CERS6: variants seen among roughly 807,000 people sequenced by gnomAD.
CERS6 encodes the protein LAG1 homolog, ceramide synthase 6.
In CERS6, 26 loss-of-function variants were observed where a neutral mutation model predicts 56.8. The observed-to-expected ratio is 0.46, with a 90% CI of 0.34 to 0.63. The LOEUF (loss-of-function observed/expected upper bound fraction) is 0.63. CERS6 is among the 30% of genes least tolerant of loss of function. CERS6 has a pLI of 0.01. For synonymous variants in CERS6, 164 were observed against 173.3 expected (o/e 0.95, Z 0.42); for missense variants, 415 against 467.5 (o/e 0.89, Z 1.04).
chr2:168,532,586 G>A (rs1213171009), intron 1 of CERS6, among the ~76,000 whole-genome samples: 1 of 151,998 alleles, frequency 6.6e-6, no homozygotes, highest in Non-Finnish European at 1.5e-5. Context: ...GCCCCGTGGA[G>A]TTAGCTAAAT....
intron 9 of CERS6, 113 bp from the exon 10 acceptor site, chr2:168,769,396 GT>G: frequency 2.0e-6 from 2 of 978,264 alleles, no homozygotes; most frequent in Non-Finnish European, 2.9e-6. Flanking sequence ...ATCCTCTTCA[GT>G]TTTTTAACAT....
chr2:168,468,411 G>C (rs1411364008), intron 1 of CERS6, among the ~76,000 whole-genome samples: 1 of 152,192 alleles, frequency 6.6e-6, no homozygotes, highest in Non-Finnish European at 1.5e-5. Flanking sequence ...ATTGACTTAA[G>C]ACCTGGGCTG....
chr2:168,528,564 C>T (rs1228236867), intron 1 of CERS6, among the ~76,000 whole-genome samples: 2 of 152,176 alleles, frequency 1.3e-5, no homozygotes, highest in Non-Finnish European at 1.5e-5. Flanking sequence ...GGAGAGTAAC[C>T]TCTAAGCTAC....
chr2:168,671,085 C>T (rs1191267548), intron 4 of CERS6, among the ~76,000 whole-genome samples: 2 of 151,362 alleles, frequency 1.3e-5, no homozygotes, highest in Non-Finnish European at 2.9e-5. Context: ...CTCAGCCTCC[C>T]GAGTAGCTGG....
chr2:168,631,600 AAT>A (rs1491364069), intron 4 of CERS6, among the ~76,000 whole-genome samples: 380 of 112,946 alleles, frequency 3.4e-3, no homozygotes, highest in East Asian at 9.8e-3. Flanking sequence ...TTATATATTA[AAT>A]ATATAATATA....
In CERS6 at chr2:168,610,893, C is replaced by T. The variant is rs190524482; in HGVS notation, c.408-20092C>T. ...TGCAATCTCGGCTCACTGCAACCTC[C>T]GCCTCCCAGATTCAAGCAATTCTCA... is the stretch of plus-strand genomic sequence containing the variant. On this transcript the variant is annotated intron_variant, in intron 3 of 9. Transcript: ENST00000305747. 7.9e-5 allele frequency among the ~76,000 whole-genome samples: 12 copies of T among 152,216 alleles called. No homozygotes were observed. In the East Asian group the frequency reaches 9.6e-4, roughly 12 times the overall value.
intron 4 of CERS6, among the ~76,000 whole-genome samples, chr2:168,681,486 TATTCTC>T (rs1262951203): frequency 2.0e-5 from 3 of 152,198 alleles, no homozygotes; most frequent in South Asian, 2.1e-4. Flanking sequence ...TTTTAAAAAT[TATTCTC>T]ATTCTTGTTT....
intron 3 of CERS6, among the ~76,000 whole-genome samples, chr2:168,571,900 G>A (rs1695994717): frequency 1.3e-5 from 2 of 152,140 alleles, no homozygotes; most frequent in Non-Finnish European, 2.9e-5. Context: ...GCAAATTACT[G>A]TAGACTTGGG....
chr2:168,602,622 G>T (rs961469509), intron 3 of CERS6, among the ~76,000 whole-genome samples: 7 of 152,194 alleles, frequency 4.6e-5, no homozygotes, highest in African/African-American at 1.7e-4. Flanking sequence ...AGAATAATAA[G>T]TATCTATGCA....
chr2:168,677,697 A>C (rs148706064), intron 4 of CERS6, among the ~76,000 whole-genome samples: 1 of 152,008 alleles, frequency 6.6e-6, no homozygotes, highest in African/African-American at 2.4e-5. Context: ...GGGTTTCTCT[A>C]TGTTGGTCAG....
At chr2:168,650,853 C>T (rs891920632) in intron 4 of CERS6, among the ~76,000 whole-genome samples, 6 of 152,026 alleles carry the variant, frequency 3.9e-5, no homozygotes, top group Non-Finnish European at 7.4e-5. Flanking sequence ...AAAGCATCAA[C>T]AATTATTTGT....
chr2:168,560,773 T>TTTG (rs763931511), intron 2 of CERS6, among the ~76,000 whole-genome samples: 81 of 152,152 alleles, frequency 5.3e-4, no homozygotes, highest in African/African-American at 1.4e-3. Flanking sequence ...TTGGGTAGCA[T>TTTG]TTGTTGTTGT....
rs1409289077 is a variant in CERS6 at position 168,631,731 on chromosome 2, T to TATTAC, written c.465+691_465+692insTACAT. Among the ~76,000 whole-genome samples the TATTAC allele has an allele frequency of 1.2e-4, 14 of 120,488 alleles. No homozygotes were observed. The East Asian group carries it at 3.4e-3, about 29-fold the overall frequency. The allele number at this position is 120,488 out of a possible 152,430, so 79.0% of individuals were successfully genotyped here. ...TTATATTATATTTATATTTATATTA[T>TATTAC]ATATAACATAATTATATATATTTTC... On this transcript the variant is annotated intron_variant, in intron 4 of 9. Transcript: ENST00000305747.
intron 1 of CERS6, among the ~76,000 whole-genome samples, chr2:168,527,363 A>G (rs889724969): frequency 2.0e-5 from 3 of 152,084 alleles, no homozygotes; most frequent in Non-Finnish European, 2.9e-5. Flanking sequence ...CGATTAACCT[A>G]TGTCATATTA....
At chr2:168,587,630 T>G (rs1178062424) in intron 3 of CERS6, among the ~76,000 whole-genome samples, 1 of 152,178 alleles carries the variant, frequency 6.6e-6, no homozygotes, top group African/African-American at 2.4e-5. Flanking sequence ...AAAACCGTCT[T>G]TGCCTTTCTG....
At chr2:168,668,941 C>T (rs1166893970) in intron 4 of CERS6, among the ~76,000 whole-genome samples, 1 of 152,120 alleles carries the variant, frequency 6.6e-6, no homozygotes, top group East Asian at 1.9e-4. Context: ...AATGTCAGTG[C>T]ATTAGAAATT....
intron 3 of CERS6, among the ~76,000 whole-genome samples, chr2:168,607,872 C>T (rs924556167): frequency 1.2e-4 from 19 of 152,176 alleles, no homozygotes; most frequent in Admixed American, 4.6e-4. Flanking sequence ...TGGGCTCACA[C>T]GGAATGGAAC....
chr2:168,502,611 TA>T (rs1453435091), intron 1 of CERS6, among the ~76,000 whole-genome samples: 1 of 152,198 alleles, frequency 6.6e-6, no homozygotes, highest in Admixed American at 6.5e-5. Flanking sequence ...TTGTTTCTAA[TA>T]GACTGTCCAG....
intron 1 of CERS6, among the ~76,000 whole-genome samples, chr2:168,483,748 T>C (rs1694219014): frequency 6.6e-6 from 1 of 152,208 alleles, no homozygotes. Context: ...AGAATGCACC[T>C]TCTTTGTAAA....
Sources: gnomAD v4.1 joint callset for allele counts (sites outside exome capture counted in the v4.1 genomes callset) on GRCh38, gnomAD v4.1.1 for gene constraint, MANE v1.5 for transcripts, NCBI Gene and HGNC (gene_info 2026-07-23, HGNC 2026-07-21) for gene names.